Variants in CCNG1 observed in about 807,000 individuals in gnomAD.
CCNG1 encodes the protein cyclin G1, also known as cyclin-G1.
CCNG1 carries 13 observed loss-of-function variants against 30.0 expected under a neutral mutation model. The observed-to-expected ratio is 0.43, with a 90% CI of 0.28 to 0.69. The LOEUF (loss-of-function observed/expected upper bound fraction) is 0.69. CCNG1 is among the 30% of genes least tolerant of loss of function. The probability of loss-of-function intolerance (pLI) is 0.16; values close to 1 mark genes in which losing one functional copy is unlikely to be tolerated. For synonymous variants in CCNG1, 110 were observed against 121.5 expected (o/e 0.91, Z 0.62); for missense variants, 285 against 331.4 (o/e 0.86, Z 1.09).
the CCNG1 span, chr5:163,457,091 AACACAC>A: frequency 2.0e-6 from 3 of 1,491,350 alleles, no homozygotes; most frequent in African/African-American, 4.2e-5. Context: ...CTAAAAAAAA[AACACAC>A]ACACACACAC....
At chr5:163,441,038 T>G (rs1169934787) in intron 2 of CCNG1, 40 bp from the exon 3 acceptor site, 2 of 1,572,520 alleles carry the variant, frequency 1.3e-6, no homozygotes, top group Non-Finnish European at 1.7e-6. Flanking sequence ...TGAAATAAGG[T>G]AGAGTCATGG....
At chr5:163,440,955 C>A in intron 2 of CCNG1, 123 bp from the exon 3 acceptor site, 1 of 1,062,370 alleles carries the variant, frequency 9.4e-7, no homozygotes, top group Non-Finnish European at 1.3e-6. Flanking sequence ...TCCATCACAG[C>A]TGAGAAATAA....
chr5:163,453,991 T>C, the CCNG1 span: 1 of 1,548,476 alleles, frequency 6.5e-7, no homozygotes, highest in Non-Finnish European at 8.7e-7. Flanking sequence ...TTGAGAAATC[T>C]GGTCCACCTT....
chr5:163,447,254 C>G (rs1336272985), downstream of CCNG1: 7 of 152,560 alleles, frequency 4.6e-5, no homozygotes, highest in Non-Finnish European at 4.4e-5. Context: ...GAGTTCAAGA[C>G]CAGCCTACTC....
In CCNG1 at chr5:163,443,752, A is replaced by ATT. The variant is rs766343551; in HGVS notation, c.*84_*85dup. On this transcript the variant is annotated 3_prime_UTR_variant, in exon 7 of 7. Transcript: ENST00000340828. ...TATGGATTCCATAATGTTACAATGG[A>ATT]TTTAAGCTATGAAGCCTCAAAACAT... is the stretch of plus-strand genomic sequence containing the variant. The ATT allele has an allele frequency of 8.6e-5, 130 of 1,504,004 alleles. No homozygotes were observed. In the Middle Eastern group the frequency reaches 1.7e-3, roughly 19 times the overall value. The allele number at this position is 1,504,004 out of a possible 1,614,324, so 93.2% of individuals were successfully genotyped here.
In CCNG1 at chr5:163,439,310, T is replaced by C. The variant is rs139729782; in HGVS notation, c.54T>C (p.Asn18=). ...CTCAGAAACTGCTACACCAGCTGAATGCCCTGTTGGAACAGGAGTCTAGAT... is the reference window on the plus strand; with the variant it reads ...CTCAGAAACTGCTACACCAGCTGAACGCCCTGTTGGAACAGGAGTCTAGAT... ...TDSQKLLHQL[N]ALLEQESRCQ... is the part of the protein sequence containing the mutation. Residue 18 remains asparagine (N), a synonymous_variant, in exon 2 of 7, where the codon AAT becomes AAC. Transcript: ENST00000340828. The C allele has an allele frequency of 7.1e-5, 115 of 1,613,878 alleles. No homozygotes were observed. The African/African-American group carries it at 1.4e-3, about 20-fold the overall frequency.
chr5:163,441,128 T>G lies in CCNG1; in HGVS notation c.315T>G (p.Ala105=). 6.2e-7 allele frequency: 1 copy of G among 1,614,000 alleles called. No individual in the cohort carries two copies. The highest frequency in any genetic ancestry group is 8.5e-7 in the Non-Finnish European group (1 of 1,179,886). ...GCVGLSCFYL[A]VKSIEEERNV... ...TTGGACTGAGCTGCTTTTATTTGGC[T>G]GTAAAATCAATAGAAGAGGAAAGGA... The change falls in exon 3 of 7, where the codon GCT becomes GCG. Residue 105 remains alanine, a synonymous_variant. Coordinates refer to ENST00000340828, the MANE Select transcript of CCNG1 (RefSeq NM_004060.4).
downstream of CCNG1, chr5:163,449,089 G>C (rs192380535): frequency 2.0e-5 from 3 of 152,108 alleles, no homozygotes. Flanking sequence ...ACTGCAATCA[G>C]GCAAGAAAAA....
intron 1 of CCNG1, 182 bp from the exon 2 acceptor site, chr5:163,439,075 G>A: frequency 1.8e-6 from 1 of 558,376 alleles, no homozygotes; most frequent in Non-Finnish European, 3.1e-6. Flanking sequence ...CTCAATTTAG[G>A]ATGTGACCAA....
downstream of CCNG1, chr5:163,447,856 G>A (rs1007028604): frequency 2.0e-5 from 3 of 152,170 alleles, no homozygotes; most frequent in African/African-American, 7.2e-5. Flanking sequence ...CTACAGGGAA[G>A]TCTTAAAAAA....
At chr5:163,446,847 T>G (rs1187071488), downstream of CCNG1, 1 of 152,086 alleles carries the variant, frequency 6.6e-6, no homozygotes, top group Non-Finnish European at 1.5e-5. Context: ...AAACCCCATC[T>G]CTACTAAAAA....
the CCNG1 span, among the ~76,000 whole-genome samples, chr5:163,457,244 G>A: frequency 6.6e-6 from 1 of 150,826 alleles, no homozygotes; most frequent in Non-Finnish European, 1.5e-5. Flanking sequence ...TGATTCTCCT[G>A]CCTCAGCCTC....
chr5:163,439,592 G>A, intron 2 of CCNG1, 72 bp downstream of exon 2: 3 of 1,397,100 alleles, frequency 2.1e-6, no homozygotes, highest in South Asian at 2.7e-5. Flanking sequence ...CTTTTGGCTG[G>A]TATTCATAAA....
the CCNG1 span, among the ~76,000 whole-genome samples, chr5:163,456,550 G>A: frequency 6.6e-6 from 1 of 152,026 alleles, no homozygotes; most frequent in African/African-American, 2.4e-5. Context: ...AACAAAACAA[G>A]CAATAGCCAA....
the CCNG1 span, among the ~76,000 whole-genome samples, chr5:163,455,265 T>C: frequency 6.6e-6 from 1 of 152,204 alleles, no homozygotes; most frequent in Non-Finnish European, 1.5e-5. Flanking sequence ...GAGAAGAGCA[T>C]TGCAGTCAGG....
Position 163,442,713 on chromosome 5 carries a change from T to C in CCNG1, c.*3+145T>C, listed in dbSNP as rs1757881176. 4.6e-6 allele frequency: 3 copies of C among 654,004 alleles called. No individual in the cohort carries two copies. In the Admixed American group the frequency reaches 9.2e-5, roughly 20 times the overall value. The allele number at this position is 654,004 out of a possible 1,614,324, so 40.5% of individuals were successfully genotyped here. Reference sequence around the variant, plus strand: ...AGATGACATCACTGATCTAGTCAGCTAATATTTGAAGGCCTTTACTATATA... The same window carrying C: ...AGATGACATCACTGATCTAGTCAGCCAATATTTGAAGGCCTTTACTATATA... On this transcript the variant is annotated intron_variant, in intron 6 of 6. Transcript: ENST00000340828.
In CCNG1 at chr5:163,444,651, G is replaced by A. The variant is rs1757982215; in HGVS notation, c.*981G>A. ...AGACACCTTCATAACTATGAATGAA[G>A]CTGCTGAAGTAGTGTTTAGGATCCT... On this transcript the variant is annotated 3_prime_UTR_variant, in exon 7 of 7. Transcript: ENST00000340828. The A allele has an allele frequency of 6.6e-6, 1 of 152,612 alleles. No homozygotes were observed. Among genetic ancestry groups the A allele is most frequent in the African/African-American group, 2.4e-5 (1 of 41,456 alleles). 9.5% of individuals were successfully genotyped at this position (152,612 alleles called of 1,614,324 possible). A position where few individuals can be genotyped will look rare whatever the true frequency, so the allele number is the denominator to read the frequency against.
intron 2 of CCNG1, among the ~76,000 whole-genome samples, chr5:163,440,548 C>T (rs185745937): frequency 3.0e-4 from 46 of 152,156 alleles, no homozygotes; most frequent in Non-Finnish European, 5.7e-4. Context: ...GTGTCTCATA[C>T]GGCAGACATT....
At chr5:163,450,477 C>G (rs780156372), downstream of CCNG1, 4 of 152,256 alleles carry the variant, frequency 2.6e-5, no homozygotes, top group South Asian at 4.1e-4. Flanking sequence ...AAGACTCTTA[C>G]TACCCAATAA....
Sources: gnomAD v4.1 joint callset for allele counts (sites outside exome capture counted in the v4.1 genomes callset) on GRCh38, gnomAD v4.1.1 for gene constraint, MANE v1.5 for transcripts, NCBI Gene and HGNC (gene_info 2026-07-23, HGNC 2026-07-21) for gene names.